CTNNA3: variants seen among roughly 807,000 people sequenced by gnomAD.
The protein encoded by CTNNA3 is catenin alpha 3.
In CTNNA3, 76 loss-of-function variants were observed where a neutral mutation model predicts 95.7. The observed-to-expected ratio is 0.79, with a 90% CI of 0.66 to 0.96. CTNNA3 has a LOEUF of 0.96. CTNNA3 is among the 40% of genes least tolerant of loss of function. The pLI, the probability that CTNNA3 is intolerant of heterozygous loss-of-function variation, is 0.00. For missense variants in CTNNA3, 1,191 were observed against 1,089.8 expected (o/e 1.09, Z -1.31); for synonymous variants, 431 against 374.4 (o/e 1.15, Z -1.74).
chr10:66,795,989 G>A (rs572399137), intron 7 of CTNNA3, among the ~76,000 whole-genome samples: 1 of 152,104 alleles, frequency 6.6e-6, no homozygotes, highest in African/African-American at 2.4e-5. Flanking sequence ...TTATGGGAAT[G>A]TTGTGGCTGG....
At chr10:66,679,964 T>A (rs1847006822) in intron 9 of CTNNA3, among the ~76,000 whole-genome samples, 1 of 152,072 alleles carries the variant, frequency 6.6e-6, no homozygotes. Flanking sequence ...CTCCTGAAGG[T>A]CCTCATAAGA....
intron 12 of CTNNA3, among the ~76,000 whole-genome samples, chr10:66,346,195 G>A (rs2092509493): frequency 6.8e-6 from 1 of 146,068 alleles, no homozygotes; most frequent in Non-Finnish European, 1.5e-5. Context: ...AAATTGAATA[G>A]TAAGTATGTG....
chr10:66,467,726 T>G (rs189520776), intron 11 of CTNNA3, among the ~76,000 whole-genome samples: 82 of 152,188 alleles, frequency 5.4e-4, no homozygotes, highest in Admixed American at 3.2e-3. Context: ...GAAAAAACAA[T>G]AGCAGAGAAG....
chr10:67,569,826 C>T (rs777051051), intron 3 of CTNNA3, among the ~76,000 whole-genome samples: 12 of 152,056 alleles, frequency 7.9e-5, no homozygotes, highest in Non-Finnish European at 1.8e-4. Flanking sequence ...AGTGGTGTTC[C>T]TTTTTGCTCT....
At chr10:67,440,716 A>T (rs1053135655) in intron 5 of CTNNA3, among the ~76,000 whole-genome samples, 1 of 152,188 alleles carries the variant, frequency 6.6e-6, no homozygotes, top group African/African-American at 2.4e-5. Flanking sequence ...ATTATTCTAG[A>T]TTCTATACAA....
intron 13 of CTNNA3, among the ~76,000 whole-genome samples, chr10:66,184,749 T>C (rs1205031921): frequency 6.6e-6 from 1 of 152,224 alleles, no homozygotes; most frequent in Non-Finnish European, 1.5e-5. Flanking sequence ...AAAATTGTTA[T>C]ATCATCCTGT....
intron 5 of CTNNA3, among the ~76,000 whole-genome samples, chr10:67,273,896 G>A (rs898267466): frequency 6.6e-6 from 1 of 152,124 alleles, no homozygotes; most frequent in Non-Finnish European, 1.5e-5. Flanking sequence ...GAGAATAGTG[G>A]TTGTCTAGTG....
intron 13 of CTNNA3, among the ~76,000 whole-genome samples, chr10:66,157,354 A>G (rs1270535578): frequency 6.6e-6 from 1 of 151,918 alleles, no homozygotes; most frequent in Non-Finnish European, 1.5e-5. Flanking sequence ...CATCCAGGTC[A>G]CTGAAAATGC....
intron 14 of CTNNA3, among the ~76,000 whole-genome samples, chr10:66,094,439 G>C (rs577752789): frequency 6.6e-6 from 1 of 152,146 alleles, no homozygotes; most frequent in African/African-American, 2.4e-5. Context: ...AATATCACAG[G>C]AGCTTAAGTA....
chr10:67,130,111 TTCCTTTAAAGAAACCC>T (rs1480043086), intron 7 of CTNNA3, among the ~76,000 whole-genome samples: 3 of 152,072 alleles, frequency 2.0e-5, no homozygotes, highest in Non-Finnish European at 4.4e-5. Context: ...CCCATCACCA[TTCCTTTAAAGAAACCC>T]TCCTTTAAAG....
At chr10:67,354,954 T>C (rs554734949) in intron 5 of CTNNA3, among the ~76,000 whole-genome samples, 2 of 152,086 alleles carry the variant, frequency 1.3e-5, no homozygotes, top group South Asian at 4.1e-4. Flanking sequence ...TAGGTGATAA[T>C]GCAAGACCAT....
chr10:66,156,988 G>A (rs1292094973), intron 13 of CTNNA3, among the ~76,000 whole-genome samples: 1 of 151,794 alleles, frequency 6.6e-6, no homozygotes, highest in Non-Finnish European at 1.5e-5. Flanking sequence ...TTTCAGTTTT[G>A]TATTTCATTT....
At chr10:66,932,196 A>G (rs1353020890) in intron 7 of CTNNA3, among the ~76,000 whole-genome samples, 2 of 152,206 alleles carry the variant, frequency 1.3e-5, no homozygotes, top group African/African-American at 4.8e-5. Context: ...ATTCATGGAT[A>G]ATGAAATTAT....
intron 11 of CTNNA3, among the ~76,000 whole-genome samples, chr10:66,430,673 A>G (rs1174876394): frequency 6.6e-6 from 1 of 152,220 alleles, no homozygotes; most frequent in Non-Finnish European, 1.5e-5. Flanking sequence ...TATTTAATAA[A>G]TGGTGCTGGG....
intron 12 of CTNNA3, among the ~76,000 whole-genome samples, chr10:66,285,674 ATTG>A (rs1554921870): frequency 6.6e-6 from 1 of 151,580 alleles, no homozygotes; most frequent in Non-Finnish European, 1.5e-5. Context: ...TTTATTTTAA[ATTG>A]TTAATAAATT....
chr10:66,306,269 C>A (rs1401011875), intron 12 of CTNNA3, among the ~76,000 whole-genome samples: 1 of 152,204 alleles, frequency 6.6e-6, no homozygotes, highest in Admixed American at 6.5e-5. Flanking sequence ...AATCACATAA[C>A]TTCCCTGAGT....
chr10:67,310,939 A>G (rs746190260), intron 5 of CTNNA3, among the ~76,000 whole-genome samples: 5 of 152,192 alleles, frequency 3.3e-5, no homozygotes, highest in Non-Finnish European at 7.3e-5. Flanking sequence ...AAATTACTGT[A>G]TTTTATAATA....
chr10:66,295,717 G>A (rs531018851), intron 12 of CTNNA3, among the ~76,000 whole-genome samples: 1 of 152,046 alleles, frequency 6.6e-6, no homozygotes, highest in Admixed American at 6.6e-5. Context: ...TACAAAATAG[G>A]CTCCCTCCTG....
rs1177543083 is a variant in CTNNA3 at position 66,992,537 on chromosome 10, C to CT, written c.1047+187779dup. ...CTTCCAGTTTGTGGCTTGTCCTTTA[C>CT]TTTTTTTTTAATGGCAACAGAAATT... On this transcript the variant is annotated intron_variant, in intron 7 of 17. Coordinates refer to ENST00000433211, the MANE Select transcript of CTNNA3 (RefSeq NM_013266.4). Among the ~76,000 whole-genome samples the CT allele has an allele frequency of 8.2e-3, 1,234 of 149,936 alleles. 19 individuals carry two copies. The highest frequency in any genetic ancestry group is 0.028 in the African/African-American group (1,155 of 41,008).
Sources: gnomAD v4.1 joint callset for allele counts (sites outside exome capture counted in the v4.1 genomes callset) on GRCh38, gnomAD v4.1.1 for gene constraint, MANE v1.5 for transcripts, NCBI Gene and HGNC (gene_info 2026-07-23, HGNC 2026-07-21) for gene names.